RGS3: variants seen among roughly 807,000 people sequenced by gnomAD.
RGS3 encodes the protein regulator of G-protein signalling 3.
A neutral mutation model predicts 132.6 loss-of-function variants in RGS3; 80 were observed. The observed-to-expected ratio is 0.60, with a 90% confidence interval of 0.50 to 0.73. RGS3 has a LOEUF of 0.73. Ranked by LOEUF, RGS3 falls within the 30% of genes least tolerant of loss-of-function variation. The probability of loss-of-function intolerance (pLI) is 0.00; values close to 1 mark genes in which losing one functional copy is unlikely to be tolerated. For synonymous variants in RGS3, 598 were observed against 620.6 expected (o/e 0.96, Z 0.54); for missense variants, 1,382 against 1,530.8 (o/e 0.90, Z 1.62).
chr9:113,457,382 C>T (rs907205291), upstream of RGS3, among the ~76,000 whole-genome samples: 2 of 152,198 alleles, frequency 1.3e-5, no homozygotes, highest in African/African-American at 4.8e-5. Context: ...TTATTCTATG[C>T]TTCCAGAGGT....
chr9:113,583,419 G>A lies in RGS3; in HGVS notation c.2038-31G>A, dbSNP rs1366713671. On this transcript the variant is annotated intron_variant, in intron 19 of 24. Transcript: ENST00000350696. ...CTGGCATCTTGGAGCCTCCTCTTCTGAACTGTTCTTGTTTTCTTTTTGTTT... is the reference window on the plus strand; with the variant it reads ...CTGGCATCTTGGAGCCTCCTCTTCTAAACTGTTCTTGTTTTCTTTTTGTTT... 3.1e-6 allele frequency: 5 copies of A among 1,610,974 alleles called. No individual in the cohort carries two copies. In the African/African-American group the frequency reaches 5.3e-5, roughly 17 times the overall value.
intron 1 of RGS3, among the ~76,000 whole-genome samples, chr9:113,447,329 G>GTATATGTATATATATATATATATA (rs1554751011): frequency 2.2e-4 from 6 of 27,552 alleles, no homozygotes; most frequent in African/African-American, 4.9e-4. Flanking sequence ...GTATGTATAT[G>GTATATGTATATATATATATATATA]TATATATATA....
At chr9:113,480,664 C>G (rs556297163) in intron 4 of RGS3, among the ~76,000 whole-genome samples, 2 of 152,210 alleles carry the variant, frequency 1.3e-5, no homozygotes, top group Admixed American at 6.5e-5. Context: ...CAAAGAGGAG[C>G]AGGGAGGGTG....
At position 113,446,702 on chromosome 9, in the gene RGS3, C is replaced by T. The variant is rs1588122284; in HGVS notation, c.-13+1775C>T. 1.3e-5 allele frequency among the ~76,000 whole-genome samples: 2 copies of T among 152,048 alleles called. 1 individual carries two copies. Among genetic ancestry groups the T allele is most frequent in the Non-Finnish European group, 2.9e-5 (2 of 68,002 alleles). On this transcript the variant is annotated intron_variant, in intron 1 of 25. Coordinates refer to the RGS3 transcript ENST00000374140. ...AGGTGGCGTGTAGGAAGCCCTTGAT[C>T]AATGCTTGATGAATGAATCCAACTC...
intron 16 of RGS3, chr9:113,522,258 A>G (rs190542966): frequency 6.6e-6 from 1 of 152,372 alleles, no homozygotes; most frequent in Admixed American, 6.5e-5. Context: ...ATGCAATTAA[A>G]CTTATCCACA....
At chr9:113,577,732 C>T (rs1439857353) in intron 19 of RGS3, among the ~76,000 whole-genome samples, 1 of 152,186 alleles carries the variant, frequency 6.6e-6, no homozygotes, top group East Asian at 1.9e-4. Context: ...CCCGCCCTGC[C>T]CCTTGAGCAG....
chr9:113,497,882 T>C, intron 9 of RGS3, 143 bp from the exon 8 acceptor site: 1 of 736,678 alleles, frequency 1.4e-6, no homozygotes, highest in Non-Finnish European at 2.4e-6. Flanking sequence ...GGATTGAGCC[T>C]CAGGTGTCCC....
At chr9:113,533,216 G>A (rs72761992) in intron 18 of RGS3, among the ~76,000 whole-genome samples, 17,878 of 151,392 alleles carry the variant, frequency 0.12, 1,269 homozygotes, top group African/African-American at 0.19. Context: ...GCATGAGATC[G>A]TGGGTGGGAA....
At chr9:113,569,316 A>T (rs977889864) in intron 19 of RGS3, among the ~76,000 whole-genome samples, 6 of 152,172 alleles carry the variant, frequency 3.9e-5, no homozygotes, top group Non-Finnish European at 7.3e-5. Context: ...GGAGAGAGGC[A>T]GAGAAAGGTC....
At chr9:113,464,507 G>A (rs560860439) in intron 3 of RGS3, among the ~76,000 whole-genome samples, 16 of 152,322 alleles carry the variant, frequency 1.1e-4, no homozygotes, top group African/African-American at 3.4e-4. Flanking sequence ...ACAGCTGGGC[G>A]GCAGCTGCCC....
intron 19 of RGS3, chr9:113,564,883 C>T: frequency 1.0e-6 from 1 of 979,756 alleles, no homozygotes; most frequent in South Asian, 4.5e-5. Context: ...TGCAGCCTCC[C>T]ACTGGGACAG....
At position 113,556,436 on chromosome 9, in the gene RGS3, G is replaced by A. The variant is rs150413299; in HGVS notation, c.2037+19518G>A. ...TAATAATGGTGCCTAACATTAAAGC[G>A]TGCTTTCTTTCTGTGATAATATATA... On this transcript the variant is annotated intron_variant, in intron 19 of 24. Coordinates refer to ENST00000350696, the Ensembl canonical transcript of RGS3. Among the ~76,000 whole-genome samples, 1,338 of 152,180 alleles carry A rather than the reference G, an allele frequency of 8.8e-3. 8 individuals carry two copies. The highest frequency in any genetic ancestry group is 0.015 in the Non-Finnish European group (991 of 68,014).
intron 19 of RGS3, among the ~76,000 whole-genome samples, chr9:113,541,124 C>T (rs1588223495): frequency 6.6e-6 from 1 of 152,190 alleles, no homozygotes; most frequent in South Asian, 2.1e-4. Context: ...TCCTTGTCTG[C>T]TCTGGCTCTA....
intron 3 of RGS3, among the ~76,000 whole-genome samples, chr9:113,469,676 C>A (rs1829766814): frequency 1.3e-5 from 2 of 151,814 alleles, no homozygotes; most frequent in East Asian, 1.9e-4. Flanking sequence ...GTTGATAATG[C>A]AGTTTTTTTC....
At chr9:113,536,555 C>G (rs1249789777) in intron 18 of RGS3, 2 of 1,308,336 alleles carry the variant, frequency 1.5e-6, no homozygotes, top group East Asian at 6.9e-5. Context: ...GAGCCACTGC[C>G]TTCCTCCCCT....
chr9:113,560,952 A>G, intron 19 of RGS3, among the ~76,000 whole-genome samples: 1 of 152,174 alleles, frequency 6.6e-6, no homozygotes, highest in South Asian at 2.1e-4. Flanking sequence ...GGCAGGGGCA[A>G]GGGGCTAGTC....
chr9:113,480,696 G>A (rs1478720984), intron 4 of RGS3, among the ~76,000 whole-genome samples: 1 of 152,150 alleles, frequency 6.6e-6, no homozygotes, highest in Non-Finnish European at 1.5e-5. Flanking sequence ...TCATGCACAG[G>A]GCTAGCAAGT....
chr9:113,499,539 C>T (rs1466527833), intron 10 of RGS3, among the ~76,000 whole-genome samples: 3 of 152,240 alleles, frequency 2.0e-5, no homozygotes, highest in African/African-American at 7.2e-5. Flanking sequence ...TTACGTATTA[C>T]ACAATATCGG....
chr9:113,476,881 G>T (rs1249495244), intron 3 of RGS3, among the ~76,000 whole-genome samples: 1 of 152,228 alleles, frequency 6.6e-6, no homozygotes. Flanking sequence ...GAGCACAGGG[G>T]TTCCTGTGGC....
Sources: allele counts gnomAD v4.1 joint callset (sites outside exome capture counted in the v4.1 genomes callset), GRCh38; gene constraint gnomAD v4.1.1; transcripts MANE v1.5; gene names NCBI Gene and HGNC (gene_info 2026-07-23, HGNC 2026-07-21).